DCAF6: variants seen among roughly 807,000 people sequenced by gnomAD.
DCAF6 encodes DDB1 and CUL4 associated factor 6.
Under a neutral mutation model 125.1 loss-of-function variants are expected in DCAF6, and 54 were observed. That is an observed-to-expected ratio of 0.43 (90% CI 0.35 to 0.54). DCAF6 has a LOEUF of 0.54. DCAF6 is among the 20% of genes least tolerant of loss of function. DCAF6 has a pLI of 0.01. For synonymous variants in DCAF6, 371 were observed against 390.4 expected (o/e 0.95, Z 0.58); for missense variants, 934 against 1,161.7 (o/e 0.80, Z 2.85).
chr1:167,952,357 A>G (rs1674093801), intron 2 of DCAF6, among the ~76,000 whole-genome samples: 1 of 152,046 alleles, frequency 6.6e-6, no homozygotes, highest in Admixed American at 6.6e-5. Flanking sequence ...AGCTGGGACT[A>G]CAGGTGCCTG....
intron 3 of DCAF6, 72 bp downstream of exon 3, chr1:167,966,793 G>A: frequency 1.1e-6 from 1 of 938,812 alleles, no homozygotes; most frequent in African/African-American, 1.7e-5. Flanking sequence ...AAGAAACTGT[G>A]AACAGTCATA....
At chr1:168,047,797 G>A (rs1689325454) in intron 16 of DCAF6, among the ~76,000 whole-genome samples, 1 of 151,888 alleles carries the variant, frequency 6.6e-6, no homozygotes. Context: ...TTTGAGATTT[G>A]CATTATTTTC....
chr1:168,008,221 G>A (rs906848938), intron 10 of DCAF6, among the ~76,000 whole-genome samples: 1 of 151,756 alleles, frequency 6.6e-6, no homozygotes, highest in Non-Finnish European at 1.5e-5. Flanking sequence ...CATCCGCCTC[G>A]GCCTCCCAAA....
rs988231381 is a variant in DCAF6 at position 167,936,710 on chromosome 1, A to C, written c.-202A>C. Reference sequence around the variant, plus strand: ...ATGTTCTGGTTAGTCTAAGAAGGAGAGTATGAGGCGAGCTCCGGCCCGGGT... The same window carrying C: ...ATGTTCTGGTTAGTCTAAGAAGGAGCGTATGAGGCGAGCTCCGGCCCGGGT... On this transcript the variant is annotated 5_prime_UTR_variant, in exon 1 of 22. Coordinates refer to ENST00000367840, the MANE Select transcript of DCAF6 (RefSeq NM_001198956.2). 1.7e-6 allele frequency: 1 copy of C among 578,466 alleles called. No homozygotes were observed. Among genetic ancestry groups the C allele is most frequent in the African/African-American group, 2.0e-5 (1 of 50,870 alleles). 35.8% of individuals were successfully genotyped at this position (578,466 alleles called of 1,614,324 possible).
At chr1:167,969,986 A>G (rs151099951) in intron 3 of DCAF6, among the ~76,000 whole-genome samples, 1,798 of 152,288 alleles carry the variant, frequency 0.012, 36 homozygotes, top group African/African-American at 0.042. Flanking sequence ...CATGTTGGCC[A>G]GGCTGGTCTC....
At chr1:167,941,671 C>A (rs1672263808) in intron 1 of DCAF6, among the ~76,000 whole-genome samples, 1 of 151,920 alleles carries the variant, frequency 6.6e-6, no homozygotes, top group South Asian at 2.1e-4. Context: ...GTGTGTAGTT[C>A]TTGTAATTTA....
At chr1:167,973,999 A>G (rs1677749930) in intron 3 of DCAF6, among the ~76,000 whole-genome samples, 1 of 152,130 alleles carries the variant, frequency 6.6e-6, no homozygotes, top group Non-Finnish European at 1.5e-5. Flanking sequence ...ATTCCTACCA[A>G]CAGTGTTTAA....
chr1:167,890,472 T>C, the DCAF6 span, among the ~76,000 whole-genome samples: 1 of 152,152 alleles, frequency 6.6e-6, no homozygotes, highest in East Asian at 1.9e-4. Context: ...AGCACCCTTG[T>C]GGCTACCATC....
At chr1:167,870,326 C>G in the DCAF6 span, 1 of 1,613,810 alleles carries the variant, frequency 6.2e-7, no homozygotes, top group Non-Finnish European at 8.5e-7. Context: ...TCCTGGTAAT[C>G]CCTCATACAT....
At chr1:167,906,775 T>G in the DCAF6 span, among the ~76,000 whole-genome samples, 1 of 151,918 alleles carries the variant, frequency 6.6e-6, no homozygotes, top group Non-Finnish European at 1.5e-5. Flanking sequence ...GGTGACAGAG[T>G]GAGACTCCAT....
chr1:167,870,385 G>A, the DCAF6 span: 2 of 1,611,054 alleles, frequency 1.2e-6, no homozygotes, highest in Non-Finnish European at 1.7e-6. Flanking sequence ...TAGTATACAT[G>A]AAGTAGTTGA....
At chr1:167,952,552 T>C (rs961836185) in intron 2 of DCAF6, among the ~76,000 whole-genome samples, 3 of 152,124 alleles carry the variant, frequency 2.0e-5, no homozygotes, top group African/African-American at 7.2e-5. Flanking sequence ...TCTCTTGGCT[T>C]TTGCTAACAC....
rs1491108619 is a variant in DCAF6 at position 168,009,381 on chromosome 1, TCC to T, written c.1378+4589_1378+4590del. ...TTCCTTCCTTCCTTCCTTCCTTCCT[TCC>T]TTCCTTTCTTTCTTTCTTTCTCTCT... is the stretch of plus-strand genomic sequence containing the variant. On this transcript the variant is annotated intron_variant, in intron 10 of 21. Coordinates refer to ENST00000367840, the MANE Select transcript of DCAF6 (RefSeq NM_001198956.2). Among the ~76,000 whole-genome samples the T allele has an allele frequency of 1.1e-3, 161 of 143,342 alleles. 1 individual carries two copies. Among genetic ancestry groups the T allele is most frequent in the African/African-American group, 4.3e-3 (152 of 35,560 alleles). 94.0% of individuals were successfully genotyped at this position (143,342 alleles called of 152,430 possible). A position where few individuals can be genotyped will look rare whatever the true frequency, so the allele number is the denominator to read the frequency against.
At chr1:167,936,069 G>A, upstream of DCAF6, 1 of 577,386 alleles carries the variant, frequency 1.7e-6, no homozygotes, top group Admixed American at 3.1e-5. Context: ...CCCCCGGTCC[G>A]CCTCCGGCCC....
At chr1:167,988,896 T>C (rs1013843512) in intron 5 of DCAF6, among the ~76,000 whole-genome samples, 2 of 152,096 alleles carry the variant, frequency 1.3e-5, no homozygotes, top group Admixed American at 6.5e-5. Context: ...CTGGTCAACA[T>C]AGTGAAACCC....
chr1:167,867,211 C>T, the DCAF6 span, among the ~76,000 whole-genome samples: 1 of 152,196 alleles, frequency 6.6e-6, no homozygotes, highest in African/African-American at 2.4e-5. Flanking sequence ...CATCCTTAAA[C>T]ATCAGTAAAC....
At chr1:167,903,644 G>C in the DCAF6 span, among the ~76,000 whole-genome samples, 24,783 of 152,124 alleles carry the variant, frequency 0.16, 3,057 homozygotes, top group African/African-American at 0.35. Context: ...TAAAAGCAGT[G>C]TATAATTCAG....
upstream of DCAF6, among the ~76,000 whole-genome samples, chr1:167,935,556 G>A (rs1039190380): frequency 2.6e-5 from 4 of 152,212 alleles, no homozygotes; most frequent in African/African-American, 4.8e-5. Context: ...CTTAGGAAGA[G>A]ATGTTGCAGG....
chr1:168,058,036 A>C (rs1691112899), intron 17 of DCAF6, among the ~76,000 whole-genome samples: 1 of 152,238 alleles, frequency 6.6e-6, no homozygotes, highest in Admixed American at 6.5e-5. Context: ...ATAAACATAA[A>C]GTTTTACCCA....
Sources: allele counts gnomAD v4.1 joint callset (sites outside exome capture counted in the v4.1 genomes callset), GRCh38; gene constraint gnomAD v4.1.1; transcripts MANE v1.5; gene names NCBI Gene and HGNC (gene_info 2026-07-23, HGNC 2026-07-21).